SVOPL: variants seen among roughly 807,000 people sequenced by gnomAD.
SVOPL encodes the protein putative transporter SVOPL.
Under a neutral mutation model 61.0 loss-of-function variants are expected in SVOPL, and 60 were observed. The ratio of observed to expected loss-of-function variants is 0.98; its 90% CI spans 0.80 to 1.22. SVOPL has a LOEUF of 1.22. Among genes scored for constraint, SVOPL ranks in the 50% most tolerant of loss-of-function variants. SVOPL has a pLI of 0.00. For synonymous variants in SVOPL, 279 were observed against 250.0 expected, an observed-to-expected ratio of 1.12 and a Z score of -1.09; for missense variants, 662 against 643.9, an observed-to-expected ratio of 1.03 and a Z score of -0.30.
intron 13 of SVOPL, among the ~76,000 whole-genome samples, chr7:138,622,225 T>A (rs1243696431): frequency 0.073 from 8,555 of 117,486 alleles, 877 homozygotes; most frequent in Middle Eastern, 0.095. Flanking sequence ...TATCTATGTA[T>A]CTATCTATGT....
intron 4 of SVOPL, among the ~76,000 whole-genome samples, chr7:138,666,619 G>C (rs1414340208): frequency 6.6e-6 from 1 of 152,180 alleles, no homozygotes; most frequent in Non-Finnish European, 1.5e-5. Flanking sequence ...CAGCCTTACA[G>C]ACATTCTTTT....
chr7:138,658,301 T>C (rs1265005927), intron 6 of SVOPL, among the ~76,000 whole-genome samples: 1 of 152,162 alleles, frequency 6.6e-6, no homozygotes, highest in African/African-American at 2.4e-5. Flanking sequence ...CCCTCCCTTT[T>C]ACAAGAGGAG....
chr7:138,661,642 A>C (rs1802005377), intron 5 of SVOPL: 1 of 974,350 alleles, frequency 1.0e-6, no homozygotes, highest in Non-Finnish European at 1.2e-6. Context: ...TTGTGACACC[A>C]AGAAAGATGT....
At chr7:138,665,314 T>C (rs1314938043) in intron 4 of SVOPL, among the ~76,000 whole-genome samples, 2 of 151,064 alleles carry the variant, frequency 1.3e-5, no homozygotes, top group Admixed American at 1.3e-4. Flanking sequence ...TTGGGGGGCC[T>C]GGGAGACAGT....
At chr7:138,608,237 T>C (rs1798840483) in intron 14 of SVOPL, among the ~76,000 whole-genome samples, 1 of 152,204 alleles carries the variant, frequency 6.6e-6, no homozygotes, top group Non-Finnish European at 1.5e-5. Flanking sequence ...AAAATGTTAA[T>C]AGGATTTGGG....
chr7:138,609,564 T>C (rs781171766), intron 14 of SVOPL, among the ~76,000 whole-genome samples: 1 of 151,058 alleles, frequency 6.6e-6, no homozygotes, highest in Non-Finnish European at 1.5e-5. Flanking sequence ...GAGACTGAGA[T>C]AGGAGGATCA....
At chr7:138,648,191 G>A (rs1476383114) in intron 8 of SVOPL, among the ~76,000 whole-genome samples, 1 of 152,118 alleles carries the variant, frequency 6.6e-6, no homozygotes, top group Non-Finnish European at 1.5e-5. Context: ...GAAGGAGAGA[G>A]TGGAGTCAGC....
At chr7:138,678,902 C>A in intron 2 of SVOPL, 62 bp downstream of exon 2, 1 of 1,498,064 alleles carries the variant, frequency 6.7e-7, no homozygotes, top group South Asian at 1.2e-5. Flanking sequence ...TGCATTTAAC[C>A]TTAAAAAGGA....
chr7:138,603,860 A>G (rs1798631832), intron 14 of SVOPL, among the ~76,000 whole-genome samples: 1 of 151,952 alleles, frequency 6.6e-6, no homozygotes, highest in Admixed American at 6.6e-5. Flanking sequence ...TCTCCTTGTG[A>G]CAGACTCCAG....
At chr7:138,654,530 C>T (rs1263894103) in intron 7 of SVOPL, among the ~76,000 whole-genome samples, 53 of 128,598 alleles carry the variant, frequency 4.1e-4, no homozygotes, top group African/African-American at 1.0e-3. Context: ...GACGGAGTCT[C>T]GCTCTGTCAC....
intron 8 of SVOPL, 56 bp from the exon 9 acceptor site, chr7:138,644,901 A>G: frequency 2.5e-6 from 4 of 1,610,260 alleles, no homozygotes; most frequent in Non-Finnish European, 3.4e-6. Flanking sequence ...ACCCAGGGGT[A>G]CAGCTATTAT....
At chr7:138,686,712 G>A (rs1802826419) in intron 1 of SVOPL, among the ~76,000 whole-genome samples, 1 of 151,246 alleles carries the variant, frequency 6.6e-6, no homozygotes, top group South Asian at 2.1e-4. Context: ...CTGTAATCAT[G>A]CACCGCCACG....
chr7:138,669,519 T>C (rs940644652), intron 4 of SVOPL, among the ~76,000 whole-genome samples: 3 of 152,180 alleles, frequency 2.0e-5, no homozygotes, highest in African/African-American at 4.8e-5. Flanking sequence ...GAGAAGAGGC[T>C]GGGGGTATCA....
intron 1 of SVOPL, among the ~76,000 whole-genome samples, chr7:138,686,204 A>G (rs1207226219): frequency 1.1e-4 from 16 of 151,906 alleles, no homozygotes; most frequent in Admixed American, 1.0e-3. Context: ...GGAGTTCGAG[A>G]CCAGCCTGGC....
rs1801696464 is a variant in SVOPL at position 138,655,701 on chromosome 7, G to C, written c.534+747C>G. Among the ~76,000 whole-genome samples, 5 of 149,088 alleles carry C rather than the reference G, an allele frequency of 3.4e-5. No individual in the cohort carries two copies. The South Asian group carries it at 1.1e-3, about 32-fold the overall frequency. The stretch of plus-strand genomic sequence containing the variant: ...TTACATATATGTACATGCAATATTA[G>C]TGTAATATATACTATATTTGTGTAA... On this transcript the variant is annotated intron_variant, in intron 7 of 15. Transcript: ENST00000674285.
At chr7:138,630,345 G>T (rs181829863) in intron 9 of SVOPL, among the ~76,000 whole-genome samples, 85 of 152,244 alleles carry the variant, frequency 5.6e-4, no homozygotes, top group African/African-American at 2.0e-3. Flanking sequence ...ATCATTGACA[G>T]GTACCAAAGC....
At chr7:138,602,973 T>G (rs571023953) in intron 14 of SVOPL, among the ~76,000 whole-genome samples, 1 of 152,154 alleles carries the variant, frequency 6.6e-6, no homozygotes, top group African/African-American at 2.4e-5. Flanking sequence ...CAGATATTCA[T>G]GGAAGTAACT....
At chr7:138,595,581 C>T (rs576470900) in intron 15 of SVOPL, among the ~76,000 whole-genome samples, 11 of 152,232 alleles carry the variant, frequency 7.2e-5, no homozygotes, top group Admixed American at 1.3e-4. Context: ...AATTAAGTGA[C>T]GCTAAATTCC....
intron 9 of SVOPL, among the ~76,000 whole-genome samples, chr7:138,630,544 A>G (rs749173477): frequency 6.6e-6 from 1 of 152,248 alleles, no homozygotes; most frequent in Non-Finnish European, 1.5e-5. Flanking sequence ...ACAACGGCAT[A>G]AAGTTGAAAA....
Sources: gnomAD v4.1 joint callset for allele counts (sites outside exome capture counted in the v4.1 genomes callset) on GRCh38, gnomAD v4.1.1 for gene constraint, MANE v1.5 for transcripts, NCBI Gene and HGNC (gene_info 2026-07-23, HGNC 2026-07-21) for gene names.